PAM: variants seen among roughly 807,000 people sequenced by gnomAD.
PAM encodes peptidyl-glycine alpha-amidating monooxygenase.
Under a neutral mutation model 122.1 loss-of-function variants are expected in PAM, and 72 were observed. That is an observed-to-expected ratio of 0.59 (90% CI 0.49 to 0.72). PAM has a LOEUF of 0.72. Ranked by LOEUF, PAM falls within the 30% of genes least tolerant of loss-of-function variation. The pLI, the probability that PAM is intolerant of heterozygous loss-of-function variation, is 0.00. For synonymous variants in PAM, 389 were observed against 404.4 expected (o/e 0.96, Z 0.46); for missense variants, 1,106 against 1,183.7 (o/e 0.93, Z 0.96).
chr5:102,915,087 C>G lies in PAM; in HGVS notation c.356+1066C>G, dbSNP rs143873325. Among the ~76,000 whole-genome samples, 83 of 152,158 alleles carry G rather than the reference C, an allele frequency of 5.5e-4. 1 individual carries two copies. Among genetic ancestry groups the G allele is most frequent in the African/African-American group, 1.9e-3 (79 of 41,538 alleles). On this transcript the variant is annotated intron_variant, in intron 5 of 25. Coordinates refer to ENST00000438793, the MANE Select transcript of PAM (RefSeq NM_001177306.2). ...AAGATCACTGAACTCTGAAAATAGCCACACTTTTTAAGCTTCTTATTTTCA... is the reference window on the plus strand; with the variant it reads ...AAGATCACTGAACTCTGAAAATAGCGACACTTTTTAAGCTTCTTATTTTCA...
chr5:102,992,023 C>G (rs1774229154), intron 16 of PAM, among the ~76,000 whole-genome samples: 1 of 152,052 alleles, frequency 6.6e-6, no homozygotes, highest in South Asian at 2.1e-4. Context: ...TCCAAGTAAA[C>G]AGCAGAGACT....
chr5:102,967,660 T>G (rs1361204017), intron 14 of PAM, among the ~76,000 whole-genome samples: 1 of 151,638 alleles, frequency 6.6e-6, no homozygotes, highest in Non-Finnish European at 1.5e-5. Context: ...TAGAACATCT[T>G]AAAGAATTTG....
chr5:102,760,647 G>A (rs1752047508), intron 1 of PAM, among the ~76,000 whole-genome samples: 1 of 152,166 alleles, frequency 6.6e-6, no homozygotes, highest in Non-Finnish European at 1.5e-5. Context: ...TAGTTTTATT[G>A]GACATTGCTG....
intron 21 of PAM, among the ~76,000 whole-genome samples, chr5:103,011,379 C>T (rs1315623215): frequency 1.6e-5 from 1 of 60,648 alleles, no homozygotes; most frequent in East Asian, 6.3e-4. Flanking sequence ...AACACACACT[C>T]ACACACACAC....
At chr5:102,833,786 A>G (rs141998394) in intron 1 of PAM, among the ~76,000 whole-genome samples, 109 of 152,272 alleles carry the variant, frequency 7.2e-4, no homozygotes, top group Admixed American at 3.4e-3. Context: ...ATTACTAAAG[A>G]GGACAATGTT....
rs535278110 is a variant in PAM at position 102,887,301 on chromosome 5, CTT to C, written c.211-14054_211-14053del. ...ATTGTGCCTCCCTTTGTTTCTCTCTCTTGCCTCCTCTCTTACCATGTGATTTT... is the reference window on the plus strand; with the variant it reads ...ATTGTGCCTCCCTTTGTTTCTCTCTCGCCTCCTCTCTTACCATGTGATTTT... On this transcript the variant is annotated intron_variant, in intron 3 of 25. Coordinates refer to ENST00000438793, the MANE Select transcript of PAM (RefSeq NM_001177306.2). Among the ~76,000 whole-genome samples the C allele has an allele frequency of 2.0e-3, 301 of 152,118 alleles. 1 individual carries two copies. Among genetic ancestry groups the C allele is most frequent in the African/African-American group, 7.1e-3 (295 of 41,550 alleles).
At chr5:102,905,280 C>A (rs1352821506) in intron 4 of PAM, among the ~76,000 whole-genome samples, 1 of 151,640 alleles carries the variant, frequency 6.6e-6, no homozygotes, top group Non-Finnish European at 1.5e-5. Flanking sequence ...CACTTGCTTT[C>A]CCTCACATGG....
At position 102,988,688 on chromosome 5, in the gene PAM, AAG is replaced by A. The variant is rs879278816; in HGVS notation, c.1484-1583_1484-1582del. The stretch of plus-strand genomic sequence containing the variant: ...AAAGGAAAGGAAAGGGAAAAGAAAG[AAG>A]GAAAGAAAGAGAAAGAGAAAGAAAG... On this transcript the variant is annotated intron_variant, in intron 15 of 25. Coordinates refer to ENST00000438793, the MANE Select transcript of PAM (RefSeq NM_001177306.2). Among the ~76,000 whole-genome samples, 975 of 135,682 alleles carry A rather than the reference AAG, an allele frequency of 7.2e-3. 8 individuals carry two copies. The highest frequency in any genetic ancestry group is 0.013 in the Non-Finnish European group (807 of 59,912). 89.0% of individuals were successfully genotyped at this position (135,682 alleles called of 152,430 possible).
intron 3 of PAM, among the ~76,000 whole-genome samples, chr5:102,890,478 C>G (rs1240308521): frequency 6.6e-6 from 1 of 151,690 alleles, no homozygotes; most frequent in East Asian, 1.9e-4. Context: ...GGAAACTTTC[C>G]CTCGTAAGCT....
rs555660566 is a variant in PAM, at chr5:102,891,871, A to G, written c.211-9485A>G. ...GGGCCTGGTTACCTGAAAATTATCT[A>G]CTGATGAATAAACTTAGAATGCTGT... On this transcript the variant is annotated intron_variant, in intron 3 of 25. Transcript: ENST00000438793. Among the ~76,000 whole-genome samples, 41 of 151,972 alleles carry G rather than the reference A, an allele frequency of 2.7e-4. No individual in the cohort carries two copies. The South Asian group carries it at 8.3e-3, about 31-fold the overall frequency.
At chr5:102,860,696 A>T (rs7725628) in intron 1 of PAM, among the ~76,000 whole-genome samples, 16,576 of 152,098 alleles carry the variant, frequency 0.11, 2,118 homozygotes, top group African/African-American at 0.3. Context: ...TCAAAAAAAA[A>T]AATAATAAAA....
intron 1 of PAM, among the ~76,000 whole-genome samples, chr5:102,782,584 A>T (rs1170810376): frequency 6.6e-6 from 1 of 152,192 alleles, no homozygotes; most frequent in Non-Finnish European, 1.5e-5. Context: ...TGAAAGTGAA[A>T]ATCACGTCAT....
At chr5:103,023,045 A>C (rs1278757046) in intron 23 of PAM, among the ~76,000 whole-genome samples, 3 of 152,152 alleles carry the variant, frequency 2.0e-5, no homozygotes, top group Non-Finnish European at 4.4e-5. Context: ...AAGTATTTTT[A>C]GTAGATAACA....
Position 102,777,514 on chromosome 5 carries a change from G to A in PAM, c.-374+22166G>A, listed in dbSNP as rs146489715. 7.6e-3 allele frequency among the ~76,000 whole-genome samples: 1,151 copies of A among 152,142 alleles called. 10 individuals carry two copies. The highest frequency in any genetic ancestry group is 0.026 in the African/African-American group (1,068 of 41,498). On this transcript the variant is annotated intron_variant, in intron 1 of 25. Coordinates refer to ENST00000438793, the MANE Select transcript of PAM (RefSeq NM_001177306.2). ...TGAATAAAATTTCTAGTAAAATCAA[G>A]TATTTAAGTGGGAGTTTCTGGAAAA...
chr5:103,009,932 T>C (rs911914322), intron 21 of PAM, 66 bp downstream of exon 21: 1 of 805,358 alleles, frequency 1.2e-6, no homozygotes, highest in African/African-American at 1.8e-5. Flanking sequence ...AATCTTGGCA[T>C]TCAATCTGTA....
intron 12 of PAM, among the ~76,000 whole-genome samples, chr5:102,951,923 A>G (rs1759033170): frequency 6.6e-6 from 1 of 152,062 alleles, no homozygotes; most frequent in Admixed American, 6.6e-5. Flanking sequence ...GGTAAGAAAA[A>G]GACTGACAAA....
chr5:102,809,681 A>G (rs1767353504), intron 1 of PAM, among the ~76,000 whole-genome samples: 2 of 152,228 alleles, frequency 1.3e-5, no homozygotes, highest in African/African-American at 4.8e-5. Context: ...TTATTTCTGC[A>G]TGAGATGATT....
At chr5:102,860,283 G>C (rs753130785) in intron 1 of PAM, among the ~76,000 whole-genome samples, 3 of 152,170 alleles carry the variant, frequency 2.0e-5, no homozygotes, top group Non-Finnish European at 4.4e-5. Context: ...GGGCATCCAT[G>C]TGTGTGCAGC....
At chr5:102,933,287 A>G (rs550775351) in intron 7 of PAM, among the ~76,000 whole-genome samples, 1 of 152,376 alleles carries the variant, frequency 6.6e-6, no homozygotes, top group East Asian at 1.9e-4. Context: ...TCATATTATC[A>G]GTTAGCATAA....
Sources: gnomAD v4.1 joint callset for allele counts (sites outside exome capture counted in the v4.1 genomes callset) on GRCh38, gnomAD v4.1.1 for gene constraint, MANE v1.5 for transcripts, NCBI Gene and HGNC (gene_info 2026-07-23, HGNC 2026-07-21) for gene names.